CACTIN: variants seen among roughly 807,000 people sequenced by gnomAD.
The protein encoded by CACTIN is splicing factor Cactin.
A neutral mutation model predicts 84.9 loss-of-function variants in CACTIN; 20 were observed. That is an observed-to-expected ratio of 0.24 (90% CI 0.17 to 0.34). The LOEUF is 0.34. CACTIN is among the 10% of genes least tolerant of loss of function. The pLI is 1.00. For missense variants in CACTIN, 897 were observed against 1,117.2 expected (o/e 0.80, Z 2.81); for synonymous variants, 549 against 467.9 (o/e 1.17, Z -2.24).
chr19:3,623,658 G>A (rs951360848), intron 2 of CACTIN, 30 bp downstream of exon 2: 2 of 1,553,804 alleles, frequency 1.3e-6, no homozygotes, highest in Non-Finnish European at 1.7e-6. Context: ...AATGCTACAG[G>A]GACAGAGGCC....
intron 4 of CACTIN, 122 bp downstream of exon 4, chr19:3,620,005 A>T: frequency 1.7e-6 from 2 of 1,157,904 alleles, no homozygotes; most frequent in East Asian, 2.5e-5. Flanking sequence ...CAGGAAGGGA[A>T]GGTCCCAGGA....
intron 6 of CACTIN, among the ~76,000 whole-genome samples, chr19:3,618,639 A>T (rs1478104720): frequency 6.6e-6 from 1 of 152,174 alleles, no homozygotes; most frequent in Non-Finnish European, 1.5e-5. Context: ...CGTTAACGGG[A>T]CGCTGGGTCT....
chr19:3,619,598 G>A (rs2033180233), intron 4 of CACTIN, among the ~76,000 whole-genome samples: 1 of 152,178 alleles, frequency 6.6e-6, no homozygotes, highest in East Asian at 1.9e-4. Context: ...TGGGGGACCA[G>A]AGTAGTCACT....
rs767640875 is a variant in CACTIN, at chr19:3,613,458, G to A, written c.1478+6C>T. On this transcript the variant is annotated splice_donor_region_variant and intron_variant, in intron 8 of 9. Coordinates refer to ENST00000429344, the MANE Select transcript of CACTIN (RefSeq NM_001080543.2). ...TCGGCGTCCCCGGGGTGCCGGCCGG[G>A]CCTACCTGCGGCTGGGGGACTGGGG... 1.3e-6 allele frequency: 2 copies of A among 1,573,966 alleles called. No homozygotes were observed. Among genetic ancestry groups the A allele is most frequent in the Non-Finnish European group, 1.7e-6 (2 of 1,164,942 alleles).
At position 3,615,773 on chromosome 19, in the gene CACTIN, C is replaced by G. The variant is rs2033092762; in HGVS notation, c.1163-1184G>C. ...GGACAGAGGGTCAAGAGGCCCACACCTACACCACAGGGGACTGGATAGAGT... is the reference window on the plus strand; with the variant it reads ...GGACAGAGGGTCAAGAGGCCCACACGTACACCACAGGGGACTGGATAGAGT... On this transcript the variant is annotated intron_variant, in intron 6 of 9. Coordinates refer to ENST00000429344, the MANE Select transcript of CACTIN (RefSeq NM_001080543.2). The surrounding 1 kb of genome is among the most constrained non-coding windows in gnomAD (Gnocchi z 5.2). 6.6e-6 allele frequency: 1 copy of G among 152,286 alleles called. No individual in the cohort carries two copies. Among genetic ancestry groups the G allele is most frequent in the Admixed American group, 6.5e-5 (1 of 15,280 alleles). The allele number at this position is 152,286 out of a possible 1,614,324, so 9.4% of individuals were successfully genotyped here. A position where few individuals can be genotyped will look rare whatever the true frequency, so the allele number is the denominator to read the frequency against.
At chr19:3,616,185 A>T (rs1599887189) in intron 6 of CACTIN, 1 of 152,414 alleles carries the variant, frequency 6.6e-6, no homozygotes, top group Non-Finnish European at 1.5e-5. Flanking sequence ...GCCAGGCCCT[A>T]CACAGGGTGG....
intron 9 of CACTIN, chr19:3,612,830 T>G (rs1469371461): frequency 1.4e-6 from 1 of 717,742 alleles, no homozygotes; most frequent in South Asian, 1.5e-5. Flanking sequence ...CGGTAAAAGC[T>G]TCCACCACCT....
In CACTIN at chr19:3,610,730, C is replaced by G; in HGVS notation, c.*1193G>C. 6.6e-6 allele frequency: 3 copies of G among 456,720 alleles called. No individual in the cohort carries two copies. Among genetic ancestry groups the G allele is most frequent in the Non-Finnish European group, 1.3e-5 (3 of 226,982 alleles). 28.3% of individuals were successfully genotyped at this position (456,720 alleles called of 1,614,324 possible). A position where few individuals can be genotyped will look rare whatever the true frequency, so the allele number is the denominator to read the frequency against. On this transcript the variant is annotated 3_prime_UTR_variant, in exon 10 of 10. Coordinates refer to ENST00000429344, the MANE Select transcript of CACTIN (RefSeq NM_001080543.2). ...TGAGAACAAAAGATTTTTTTTCCCA[C>G]CTACAAGTCTTTTTAGAGAAACAAA... is the stretch of plus-strand genomic sequence containing the variant.
intron 6 of CACTIN, among the ~76,000 whole-genome samples, chr19:3,617,829 G>T (rs1319159227): frequency 6.6e-6 from 1 of 152,222 alleles, no homozygotes; most frequent in Non-Finnish European, 1.5e-5. Flanking sequence ...CCTCTCTGAG[G>T]TTACGGGAGA....
Position 3,626,747 on chromosome 19 carries a change from G to A in CACTIN, c.16C>T (p.Arg6Cys). The change falls in exon 1 of 10, where the codon CGC becomes TGC. Residue 6 changes from arginine (R) to cysteine (C), a missense_variant. Transcript: ENST00000429344. MGRDT[R>C]SRSRSAGRRG... The stretch of plus-strand genomic sequence containing the variant: ...CGACCCGCGGACCGCGAGCGCGAGC[G>A]TGTGTCCCGACCCATCGGCTGGGCC... 1.3e-6 allele frequency: 2 copies of A among 1,485,456 alleles called. No individual in the cohort carries two copies. Among genetic ancestry groups the A allele is most frequent in the Non-Finnish European group, 1.8e-6 (2 of 1,124,524 alleles). The allele number at this position is 1,485,456 out of a possible 1,614,324, so 92.0% of individuals were successfully genotyped here. A position where few individuals can be genotyped will look rare whatever the true frequency, so the allele number is the denominator to read the frequency against.
At chr19:3,616,028 G>A (rs145190631) in intron 6 of CACTIN, 3,075 of 152,238 alleles carry the variant, frequency 0.02, 54 homozygotes, top group Middle Eastern at 0.051. Context: ...CCAGGTCAGC[G>A]TCTATAGAAA....
At chr19:3,619,299 GAC>G in intron 4 of CACTIN, 57 bp from the exon 5 acceptor site, 1 of 1,575,690 alleles carries the variant, frequency 6.3e-7, no homozygotes, top group South Asian at 1.2e-5. Flanking sequence ...CCATGCTAAA[GAC>G]CCTGCCCTTG....
intron 6 of CACTIN, chr19:3,616,629 A>T (rs1244398452): frequency 6.6e-6 from 1 of 152,078 alleles, no homozygotes; most frequent in African/African-American, 2.4e-5. Flanking sequence ...AAACTTATTC[A>T]TGTAACCAAA....
Position 3,620,239 on chromosome 19 carries a change from T to G in CACTIN, c.772A>C (p.Lys258Gln), listed in dbSNP as rs1568295297. 6.3e-7 allele frequency: 1 copy of G among 1,590,682 alleles called. No homozygotes were observed. Among genetic ancestry groups the G allele is most frequent in the Middle Eastern group, 1.7e-4 (1 of 5,878 alleles). The change falls in exon 4 of 10, where the codon AAG (lysine) becomes CAG (glutamine). Residue 258 changes from lysine to glutamine, a missense_variant. Around this residue, in one of 8 missense-constraint regions of CACTIN, gnomAD observed 304 missense variants for 444.3 expected, o/e 0.68. Coordinates refer to ENST00000429344, the MANE Select transcript of CACTIN (RefSeq NM_001080543.2). ...TCCAGCTCCTGCTCGCGCATGGCCT[T>G]CTCCCGCTCCCGCTCCAGCCGCAGC... is the stretch of plus-strand genomic sequence containing the variant. Reference protein sequence around the residue: ...KQLRLEREREKAMREQELEML... With the variant: ...KQLRLEREREQAMREQELEML...
intron 3 of CACTIN, 150 bp from the exon 4 acceptor site, chr19:3,620,422 GGGAA>G (rs989114073): frequency 1.1e-6 from 1 of 951,724 alleles, no homozygotes; most frequent in Admixed American, 2.0e-5. Flanking sequence ...GACAGACCTT[GGGAA>G]GGGAGAGGGC....
At chr19:3,620,346 T>G (rs1568295380) in intron 3 of CACTIN, 74 bp from the exon 4 acceptor site, 4 of 1,466,336 alleles carry the variant, frequency 2.7e-6, no homozygotes, top group Non-Finnish European at 3.7e-6. Flanking sequence ...GCTGTGATGA[T>G]GGGGGCCCAG....
chr19:3,611,002 T>A lies in CACTIN; in HGVS notation c.*921A>T. On this transcript the variant is annotated 3_prime_UTR_variant, in exon 10 of 10. Coordinates refer to ENST00000429344, the MANE Select transcript of CACTIN (RefSeq NM_001080543.2). ...AAAGGGGAGTGAGAAGGAGCCACTG[T>A]CCTGATATGGGCAAAACTCGGGGTC... 2.2e-6 allele frequency: 1 copy of A among 455,054 alleles called. No individual in the cohort carries two copies. Among genetic ancestry groups the A allele is most frequent in the Non-Finnish European group, 4.4e-6 (1 of 225,816 alleles). 28.2% of individuals were successfully genotyped at this position (455,054 alleles called of 1,614,324 possible). A position where few individuals can be genotyped will look rare whatever the true frequency, so the allele number is the denominator to read the frequency against.
chr19:3,620,845 C>T (rs1405954969), intron 2 of CACTIN, 43 bp from the exon 3 acceptor site: 1 of 1,485,698 alleles, frequency 6.7e-7, no homozygotes. Context: ...AGACCCGCCC[C>T]CTCGCCCCCC....
At chr19:3,612,730 G>T (rs543601268) in intron 9 of CACTIN, 5 of 695,964 alleles carry the variant, frequency 7.2e-6, no homozygotes, top group East Asian at 5.5e-5. Context: ...CATGACCCCC[G>T]AGGGGGTCCT....
Sources: allele counts gnomAD v4.1 joint callset (sites outside exome capture counted in the v4.1 genomes callset), GRCh38; gene constraint gnomAD v4.1.1; regional missense constraint gnomAD v4.1.1; non-coding constraint Gnocchi (gnomAD v3.1); transcripts MANE v1.5; gene names NCBI Gene and HGNC (gene_info 2026-07-23, HGNC 2026-07-21).